Variants in SORCS2 observed in about 807,000 individuals in gnomAD.
The protein encoded by SORCS2 is VPS10 domain-containing receptor SorCS2.
In SORCS2, 100 loss-of-function variants were observed where a neutral mutation model predicts 141.6. That is an observed-to-expected ratio of 0.71 (90% CI 0.60 to 0.83). The LOEUF (loss-of-function observed/expected upper bound fraction) is 0.83, where lower values mean the gene tolerates loss of function less well. SORCS2 is among the 40% of genes least tolerant of loss of function. The pLI, the probability that SORCS2 is intolerant of heterozygous loss-of-function variation, is 0.00. For synonymous variants in SORCS2, 789 were observed against 676.9 expected, an observed-to-expected ratio of 1.17 and a Z score of -2.57; for missense variants, 1,646 against 1,560.2, an observed-to-expected ratio of 1.05 and a Z score of -0.93.
At chr4:7,643,310 T>C (rs2108877182) in intron 4 of SORCS2, among the ~76,000 whole-genome samples, 1 of 152,312 alleles carries the variant, frequency 6.6e-6, no homozygotes, top group African/African-American at 2.4e-5. Flanking sequence ...CCACGCCAGC[T>C]TCCTGGGGGC....
At chr4:7,343,668 C>T (rs557523963) in intron 1 of SORCS2, among the ~76,000 whole-genome samples, 2 of 152,320 alleles carry the variant, frequency 1.3e-5, no homozygotes, top group South Asian at 2.1e-4. Flanking sequence ...GCCTCAGTTT[C>T]CCCATCTGGA....
intron 3 of SORCS2, among the ~76,000 whole-genome samples, chr4:7,543,973 C>CATCT (rs1713026486): frequency 1.4e-5 from 2 of 140,532 alleles, no homozygotes; most frequent in African/African-American, 2.7e-5. Flanking sequence ...TCCATCCATC[C>CATCT]ACCCATCCGT....
intron 1 of SORCS2, among the ~76,000 whole-genome samples, chr4:7,203,073 A>G (rs1373032128): frequency 6.6e-6 from 1 of 152,212 alleles, no homozygotes; most frequent in Non-Finnish European, 1.5e-5. Context: ...CCCCAGTCAC[A>G]CAGCTAGTGA....
chr4:7,487,055 T>G (rs907459766), intron 2 of SORCS2, among the ~76,000 whole-genome samples: 2 of 152,176 alleles, frequency 1.3e-5, no homozygotes, highest in African/African-American at 2.4e-5. Flanking sequence ...CCAGCCCCAG[T>G]GCAGCCCTGT....
chr4:7,729,818 CTT>C (rs1711531502), intron 23 of SORCS2, 106 bp downstream of exon 23: 4 of 1,453,456 alleles, frequency 2.8e-6, no homozygotes, highest in Admixed American at 2.2e-5. Flanking sequence ...ATAAAGGCGT[CTT>C]TCTCGCTGCA....
At chr4:7,520,034 G>A (rs949599814) in intron 2 of SORCS2, among the ~76,000 whole-genome samples, 10 of 152,180 alleles carry the variant, frequency 6.6e-5, no homozygotes, top group Admixed American at 2.6e-4. Context: ...AGGAGGTGCC[G>A]GGTCAGCCTG....
At chr4:7,369,777 C>T (rs1486519537) in intron 1 of SORCS2, among the ~76,000 whole-genome samples, 1 of 152,160 alleles carries the variant, frequency 6.6e-6, no homozygotes, top group East Asian at 1.9e-4. Context: ...CCGTGGATTT[C>T]GTCAGCGCAT....
Position 7,392,898 on chromosome 4 carries a change from C to CG in SORCS2, c.481-3377dup, listed in dbSNP as rs11299698. On this transcript the variant is annotated intron_variant, in intron 1 of 26. Transcript: ENST00000507866. ...AACAGTAATATGGGCCCCTCCCAGT[C>CG]GGGGGGGGGGGGGTGCTGCGAGAGA... Among the ~76,000 whole-genome samples, 127 of 137,708 alleles carry CG rather than the reference C, an allele frequency of 9.2e-4. 1 individual carries two copies. The highest frequency in any genetic ancestry group is 2.8e-3 in the African/African-American group (106 of 38,510). The allele number at this position is 137,708 out of a possible 152,430, so 90.3% of individuals were successfully genotyped here.
At chr4:7,624,772 C>A (rs1476962690) in intron 3 of SORCS2, among the ~76,000 whole-genome samples, 1 of 152,278 alleles carries the variant, frequency 6.6e-6, no homozygotes, top group Non-Finnish European at 1.5e-5. Context: ...CTGCTGCACT[C>A]TGCCCAAGCA....
chr4:7,444,531 A>G (rs1018638333), intron 2 of SORCS2, among the ~76,000 whole-genome samples: 1 of 152,244 alleles, frequency 6.6e-6, no homozygotes, highest in Non-Finnish European at 1.5e-5. Context: ...CAGGAAGAAC[A>G]GGGGCCAGGA....
intron 1 of SORCS2, among the ~76,000 whole-genome samples, chr4:7,243,700 G>A (rs1488417581): frequency 6.6e-6 from 1 of 152,234 alleles, no homozygotes; most frequent in Non-Finnish European, 1.5e-5. Flanking sequence ...CATGTGGTTT[G>A]CACAAACAGC....
chr4:7,267,022 T>C (rs989791310), intron 1 of SORCS2, among the ~76,000 whole-genome samples: 4 of 152,096 alleles, frequency 2.6e-5, no homozygotes, highest in Admixed American at 6.5e-5. Context: ...AAGGAAGCCC[T>C]CTGAACGCAG....
At chr4:7,378,622 C>T (rs1009886186) in intron 1 of SORCS2, among the ~76,000 whole-genome samples, 12 of 152,156 alleles carry the variant, frequency 7.9e-5, no homozygotes, top group African/African-American at 2.2e-4. Flanking sequence ...GCCCTTGACA[C>T]GTGGAGATTA....
chr4:7,570,984 G>A (rs1715350943), intron 3 of SORCS2, among the ~76,000 whole-genome samples: 1 of 152,184 alleles, frequency 6.6e-6, no homozygotes, highest in African/African-American at 2.4e-5. Context: ...AGACTTCAGA[G>A]GCGCAGCCAC....
intron 2 of SORCS2, among the ~76,000 whole-genome samples, chr4:7,397,117 A>G (rs1170367667): frequency 6.6e-6 from 1 of 152,188 alleles, no homozygotes; most frequent in Non-Finnish European, 1.5e-5. Flanking sequence ...TCAAGTAATA[A>G]TTAATTCATT....
intron 1 of SORCS2, among the ~76,000 whole-genome samples, chr4:7,279,394 A>T (rs1457628702): frequency 1.3e-5 from 2 of 152,236 alleles, no homozygotes; most frequent in Non-Finnish European, 2.9e-5. Context: ...CAGTCAAAGT[A>T]AACCAGTTGC....
At chr4:7,513,936 G>T (rs1003574613) in intron 2 of SORCS2, among the ~76,000 whole-genome samples, 1 of 152,198 alleles carries the variant, frequency 6.6e-6, no homozygotes, top group African/African-American at 2.4e-5. Context: ...ACGTGGTCGT[G>T]CAGAGACTGA....
intron 1 of SORCS2, among the ~76,000 whole-genome samples, chr4:7,268,753 G>C (rs1291646494): frequency 6.6e-6 from 1 of 152,192 alleles, no homozygotes; most frequent in Non-Finnish European, 1.5e-5. Flanking sequence ...GGGCTTCCAG[G>C]AGGAGGTGAT....
rs145521544 is a variant in SORCS2, at chr4:7,740,642, G to A, written c.*378G>A. The A allele has an allele frequency of 1.0e-4, 31 of 309,440 alleles. No individual in the cohort carries two copies. In the East Asian group the frequency reaches 1.4e-3, roughly 14 times the overall value. The allele number at this position is 309,440 out of a possible 1,614,324, so 19.2% of individuals were successfully genotyped here. A position where few individuals can be genotyped will look rare whatever the true frequency, so the allele number is the denominator to read the frequency against. Reference sequence around the variant, plus strand: ...CTCGGGCTGCAAGAGCTGCAGACCCGTTCAGACACTGCGTTGCGGGCTCCT... The same window carrying A: ...CTCGGGCTGCAAGAGCTGCAGACCCATTCAGACACTGCGTTGCGGGCTCCT... On this transcript the variant is annotated 3_prime_UTR_variant, in exon 27 of 27. Coordinates refer to ENST00000507866, the MANE Select transcript of SORCS2 (RefSeq NM_020777.3).
Sources: allele counts gnomAD v4.1 joint callset (sites outside exome capture counted in the v4.1 genomes callset), GRCh38; gene constraint gnomAD v4.1.1; transcripts MANE v1.5; gene names NCBI Gene and HGNC (gene_info 2026-07-23, HGNC 2026-07-21).